LRRC8C: variants seen among roughly 807,000 people sequenced by gnomAD.
The protein encoded by LRRC8C is volume-regulated anion channel subunit LRRC8C.
Under a neutral mutation model 55.3 loss-of-function variants are expected in LRRC8C, and 20 were observed. That is an observed-to-expected ratio of 0.36 (90% CI 0.25 to 0.53). The LOEUF (loss-of-function observed/expected upper bound fraction) is 0.53, where lower values mean the gene tolerates loss of function less well. LRRC8C is among the 20% of genes least tolerant of loss of function. The pLI, the probability that LRRC8C is intolerant of heterozygous loss-of-function variation, is 0.92. For missense variants in LRRC8C, 659 were observed against 951.4 expected (o/e 0.69, Z 4.04); for synonymous variants, 376 against 360.7 (o/e 1.04, Z -0.48).
At chr1:89,640,210 G>A (rs924076838) in intron 1 of LRRC8C, among the ~76,000 whole-genome samples, 9 of 152,120 alleles carry the variant, frequency 5.9e-5, no homozygotes, top group African/African-American at 2.2e-4. Context: ...GATTACAGGC[G>A]CCTGCCGCCG....
At chr1:89,635,675 C>G (rs1395673882) in intron 1 of LRRC8C, among the ~76,000 whole-genome samples, 1 of 152,202 alleles carries the variant, frequency 6.6e-6, no homozygotes, top group Non-Finnish European at 1.5e-5. Flanking sequence ...GTAAAGTTTT[C>G]TGCCCAGCGT....
chr1:89,647,042 T>A (rs1381721658), intron 1 of LRRC8C, among the ~76,000 whole-genome samples: 2 of 152,192 alleles, frequency 1.3e-5, no homozygotes, highest in Non-Finnish European at 2.9e-5. Flanking sequence ...ATAACATTAA[T>A]AATATTTTAC....
intron 2 of LRRC8C, chr1:89,706,359 T>A (rs759216507): frequency 5.5e-5 from 25 of 456,000 alleles, no homozygotes; most frequent in Non-Finnish European, 1.3e-5. Flanking sequence ...CTTTGGTGTC[T>A]CATTCATGCA....
chr1:89,655,183 C>T (rs2101202306), intron 1 of LRRC8C, among the ~76,000 whole-genome samples: 1 of 151,966 alleles, frequency 6.6e-6, no homozygotes, highest in Non-Finnish European at 1.5e-5. Flanking sequence ...TTTTTTTCTA[C>T]TTTAAGATGA....
chr1:89,691,255 C>T (rs1462568601), intron 2 of LRRC8C, among the ~76,000 whole-genome samples: 1 of 152,182 alleles, frequency 6.6e-6, no homozygotes, highest in African/African-American at 2.4e-5. Flanking sequence ...TCATCTCAGT[C>T]ACTGGAAGTG....
At chr1:89,706,881 T>C (rs1051155550) in intron 2 of LRRC8C, among the ~76,000 whole-genome samples, 4 of 152,168 alleles carry the variant, frequency 2.6e-5, no homozygotes, top group Non-Finnish European at 5.9e-5. Context: ...TTTTCAAAAA[T>C]AGCTGTTGTG....
intron 1 of LRRC8C, among the ~76,000 whole-genome samples, chr1:89,684,041 AATG>A (rs1468997130): frequency 6.6e-6 from 1 of 152,102 alleles, no homozygotes; most frequent in Non-Finnish European, 1.5e-5. Context: ...TATTTTTCAT[AATG>A]ATGTATCTTG....
At chr1:89,664,647 A>T (rs1385612045) in intron 1 of LRRC8C, among the ~76,000 whole-genome samples, 2 of 152,186 alleles carry the variant, frequency 1.3e-5, no homozygotes, top group South Asian at 4.1e-4. Context: ...TTCCATATGA[A>T]ATTTAAAGCA....
chr1:89,686,897 A>C (rs2101285725), intron 2 of LRRC8C, among the ~76,000 whole-genome samples: 1 of 152,312 alleles, frequency 6.6e-6, no homozygotes, highest in South Asian at 2.1e-4. Context: ...ATCTTTCCAA[A>C]TTGGCTTCAC....
At chr1:89,690,508 A>G (rs1657998783) in intron 2 of LRRC8C, among the ~76,000 whole-genome samples, 1 of 152,196 alleles carries the variant, frequency 6.6e-6, no homozygotes, top group Non-Finnish European at 1.5e-5. Context: ...TAACAAGCAC[A>G]CGGAATTGTT....
Position 89,715,995 on chromosome 1 carries a change from A to G in LRRC8C, c.*1013A>G, listed in dbSNP as rs1658808440. 1 of 152,170 alleles carries G rather than the reference A, an allele frequency of 6.6e-6. No individual in the cohort carries two copies. The highest frequency in any genetic ancestry group is 1.5e-5 in the Non-Finnish European group (1 of 68,028). 9.4% of individuals were successfully genotyped at this position (152,170 alleles called of 1,614,324 possible). The stretch of plus-strand genomic sequence containing the variant: ...CACAAAATAATCCACTTATATATAC[A>G]GTCAGCCTTCCGTACTTGTGGGTTC... On this transcript the variant is annotated 3_prime_UTR_variant, in exon 3 of 3. Transcript: ENST00000370454.
At chr1:89,698,985 G>T (rs1385133636) in intron 2 of LRRC8C, among the ~76,000 whole-genome samples, 1 of 151,412 alleles carries the variant, frequency 6.6e-6, no homozygotes, top group African/African-American at 2.4e-5. Flanking sequence ...GAAAAAAAAA[G>T]AAATTAAAAA....
intron 1 of LRRC8C, among the ~76,000 whole-genome samples, chr1:89,656,205 G>C (rs560338280): frequency 6.6e-6 from 1 of 152,190 alleles, no homozygotes; most frequent in Admixed American, 6.5e-5. Flanking sequence ...CTCACAGATT[G>C]CAGCTAGTTT....
chr1:89,667,196 A>G (rs1657291639), intron 1 of LRRC8C, among the ~76,000 whole-genome samples: 1 of 152,052 alleles, frequency 6.6e-6, no homozygotes, highest in Admixed American at 6.5e-5. Flanking sequence ...AGGTGGTTTC[A>G]TCCTATCACT....
chr1:89,618,960 A>G, the LRRC8C span, among the ~76,000 whole-genome samples: 1 of 152,220 alleles, frequency 6.6e-6, no homozygotes, highest in African/African-American at 2.4e-5. Context: ...TACATTTCAA[A>G]CAGCCTTTTG....
chr1:89,713,084 A>G lies in LRRC8C; in HGVS notation c.514A>G (p.Thr172Ala). ...GAAGTGTTTTGACTCTCCTTGGACC[A>G]CACGGGCTTTATCTGAAGTGTCTGG... ...LGKCFDSPWT[T>A]RALSEVSGED... Residue 172 changes from threonine to alanine, a missense_variant, in exon 3 of 3, where the codon ACA (threonine) becomes GCA (alanine). This residue lies in a region of LRRC8C where 200 missense variants were observed against 360.5 expected (regional missense o/e 0.55). Coordinates refer to ENST00000370454, the MANE Select transcript of LRRC8C (RefSeq NM_032270.5). This position sits in a 1 kb window ranked among gnomAD's most constrained non-coding sequence, Gnocchi z 5.2. The G allele has an allele frequency of 6.2e-7, 1 of 1,613,690 alleles. No individual in the cohort carries two copies. The highest frequency in any genetic ancestry group is 8.5e-7 in the Non-Finnish European group (1 of 1,180,032).
At chr1:89,695,778 C>G (rs1429020475) in intron 2 of LRRC8C, among the ~76,000 whole-genome samples, 1 of 152,062 alleles carries the variant, frequency 6.6e-6, no homozygotes, top group Non-Finnish European at 1.5e-5. Flanking sequence ...AAATCTTTCC[C>G]CAAAACTTCA....
chr1:89,673,758 G>T (rs1657481238), intron 1 of LRRC8C, among the ~76,000 whole-genome samples: 1 of 152,180 alleles, frequency 6.6e-6, no homozygotes, highest in Non-Finnish European at 1.5e-5. Context: ...CTGCCTTCAT[G>T]GACCTTATAG....
intron 1 of LRRC8C, among the ~76,000 whole-genome samples, chr1:89,682,492 G>A (rs1570721093): frequency 6.6e-6 from 1 of 152,162 alleles, no homozygotes; most frequent in Non-Finnish European, 1.5e-5. Context: ...TCAAAGTATG[G>A]TTCATGGAAG....
Sources: gnomAD v4.1 joint callset for allele counts (sites outside exome capture counted in the v4.1 genomes callset) on GRCh38, gnomAD v4.1.1 for gene constraint, gnomAD v4.1.1 regional missense constraint, Gnocchi (gnomAD v3.1) non-coding constraint, MANE v1.5 for transcripts, NCBI Gene and HGNC (gene_info 2026-07-23, HGNC 2026-07-21) for gene names.